Variants in DNAJC15 observed in about 807,000 individuals in gnomAD.
DNAJC15 encodes dnaJ homolog subfamily C member 15.
In DNAJC15, 27 loss-of-function variants were observed where a neutral mutation model predicts 22.4. The observed-to-expected ratio is 1.20, with a 90% CI of 0.89 to 1.66. DNAJC15 has a LOEUF of 1.66. Among genes scored for constraint, DNAJC15 ranks in the 40% most tolerant of loss-of-function variants. The pLI is 0.00. For synonymous variants in DNAJC15, 79 were observed against 63.2 expected (o/e 1.25, Z -1.19); for missense variants, 208 against 187.1 (o/e 1.11, Z -0.65).
At chr13:43,107,043 G>A in intron 5 of DNAJC15, 135 bp from the exon 6 acceptor site, 1 of 667,892 alleles carries the variant, frequency 1.5e-6, no homozygotes. Flanking sequence ...TTGATTTCTA[G>A]TTAGCTTATA....
Position 43,107,363 on chromosome 13 carries a change from C to A in DNAJC15, c.*115C>A. The A allele has an allele frequency of 1.3e-6, 1 of 745,692 alleles. No homozygotes were observed. The highest frequency in any genetic ancestry group is 3.3e-5 in the South Asian group (1 of 30,666). The allele number at this position is 745,692 out of a possible 1,614,324, so 46.2% of individuals were successfully genotyped here. A position where few individuals can be genotyped will look rare whatever the true frequency, so the allele number is the denominator to read the frequency against. On this transcript the variant is annotated 3_prime_UTR_variant, in exon 6 of 6. Transcript: ENST00000379221. ...ATTTTCTATATGGATTGACCACAGT[C>A]TTATCTTCCACCATTAAGCTGTATA... is the stretch of plus-strand genomic sequence containing the variant.
intron 5 of DNAJC15, among the ~76,000 whole-genome samples, chr13:43,096,202 A>C (rs2040738875): frequency 6.6e-6 from 1 of 152,210 alleles, no homozygotes; most frequent in East Asian, 1.9e-4. Flanking sequence ...AGTGTTTCAC[A>C]TGGAAAAGAG....
At chr13:43,026,575 A>G (rs2040381814) in intron 1 of DNAJC15, among the ~76,000 whole-genome samples, 1 of 152,212 alleles carries the variant, frequency 6.6e-6, no homozygotes, top group Non-Finnish European at 1.5e-5. Flanking sequence ...ACTGAAAGCA[A>G]TGAGAAGCTG....
At chr13:43,024,205 C>T (rs1398045673) in intron 1 of DNAJC15, among the ~76,000 whole-genome samples, 2 of 151,958 alleles carry the variant, frequency 1.3e-5, no homozygotes, top group Non-Finnish European at 1.5e-5. Flanking sequence ...CCAAAGTCTC[C>T]GGCACAGAAA....
Position 43,114,186 on chromosome 13 carries a change from A to G in DNAJC15, c.*6938A>G, listed in dbSNP as rs1271306101. 6.6e-6 allele frequency: 1 copy of G among 152,238 alleles called. No homozygotes were observed. The highest frequency in any genetic ancestry group is 1.5e-5 in the Non-Finnish European group (1 of 68,044). 9.4% of individuals were successfully genotyped at this position (152,238 alleles called of 1,614,324 possible). On this transcript the variant is annotated 3_prime_UTR_variant, in exon 6 of 6. Coordinates refer to ENST00000379221, the MANE Select transcript of DNAJC15 (RefSeq NM_013238.3). ...CTATGTGGTTTTCCCGATGCAGTTA[A>G]AATAAAACCTAATCTGCTAAAATTG... is the stretch of plus-strand genomic sequence containing the variant.
intron 2 of DNAJC15, among the ~76,000 whole-genome samples, chr13:43,068,492 A>C (rs1229671487): frequency 6.6e-6 from 1 of 152,140 alleles, no homozygotes; most frequent in East Asian, 1.9e-4. Context: ...GATCATAAAT[A>C]TAATTTGTTT....
chr13:43,061,468 G>A (rs2040558612), intron 1 of DNAJC15, among the ~76,000 whole-genome samples: 1 of 152,164 alleles, frequency 6.6e-6, no homozygotes, highest in Non-Finnish European at 1.5e-5. Context: ...TCTTTGCAGT[G>A]AATGACTCCA....
At chr13:43,048,669 C>T (rs2040489084) in intron 1 of DNAJC15, among the ~76,000 whole-genome samples, 1 of 151,868 alleles carries the variant, frequency 6.6e-6, no homozygotes, top group Non-Finnish European at 1.5e-5. Flanking sequence ...TACATAGAGA[C>T]CACTGTTCCC....
intron 3 of DNAJC15, among the ~76,000 whole-genome samples, chr13:43,070,575 C>T (rs2040603875): frequency 6.6e-6 from 1 of 152,006 alleles, no homozygotes; most frequent in African/African-American, 2.4e-5. Flanking sequence ...CTTAGATAGG[C>T]CAGGTAAGGT....
chr13:43,078,314 C>G (rs1480220319), intron 3 of DNAJC15, among the ~76,000 whole-genome samples: 1 of 152,140 alleles, frequency 6.6e-6, no homozygotes, highest in Non-Finnish European at 1.5e-5. Context: ...AAAAGTACTA[C>G]AGAGCTTAGA....
chr13:43,076,283 A>G (rs994012061), intron 3 of DNAJC15, among the ~76,000 whole-genome samples: 3 of 152,240 alleles, frequency 2.0e-5, no homozygotes, highest in African/African-American at 4.8e-5. Flanking sequence ...GTACACAGCA[A>G]TTGCTGAAGT....
At chr13:43,067,434 C>T (rs1212530149) in intron 2 of DNAJC15, among the ~76,000 whole-genome samples, 1 of 152,070 alleles carries the variant, frequency 6.6e-6, no homozygotes, top group African/African-American at 2.4e-5. Context: ...AAACTTGCCC[C>T]TAAACATAAA....
chr13:43,044,925 A>G (rs910337487), intron 1 of DNAJC15, among the ~76,000 whole-genome samples: 1 of 152,030 alleles, frequency 6.6e-6, no homozygotes, highest in East Asian at 1.9e-4. Flanking sequence ...TTCATCCTCT[A>G]CAATCTATTC....
chr13:43,098,587 C>A (rs2153442145), intron 5 of DNAJC15, among the ~76,000 whole-genome samples: 1 of 152,280 alleles, frequency 6.6e-6, no homozygotes, highest in South Asian at 2.1e-4. Context: ...CCATACAATT[C>A]AATTCATCCA....
At chr13:43,079,941 T>TATTTG (rs1185419868) in intron 4 of DNAJC15, among the ~76,000 whole-genome samples, 1 of 152,182 alleles carries the variant, frequency 6.6e-6, no homozygotes, top group African/African-American at 2.4e-5. Flanking sequence ...AAATACCAGT[T>TATTTG]TAACACCTAT....
chr13:43,051,219 C>A (rs926739033), intron 1 of DNAJC15, among the ~76,000 whole-genome samples: 1 of 152,246 alleles, frequency 6.6e-6, no homozygotes, highest in African/African-American at 2.4e-5. Flanking sequence ...CTCAGACGAT[C>A]CACCCATCTC....
Sources: gnomAD v4.1 joint callset for allele counts (sites outside exome capture counted in the v4.1 genomes callset) on GRCh38, gnomAD v4.1.1 for gene constraint, MANE v1.5 for transcripts, NCBI Gene and HGNC (gene_info 2026-07-23, HGNC 2026-07-21) for gene names.